KMT2C: variants seen among roughly 807,000 people sequenced by gnomAD.
KMT2C encodes lysine methyltransferase 2C.
A neutral mutation model predicts 507.9 loss-of-function variants in KMT2C; 88 were observed. The ratio of observed to expected loss-of-function variants is 0.17; its 90% CI spans 0.15 to 0.21. The LOEUF is 0.21. Among genes scored for constraint, KMT2C ranks in the 10% least tolerant of loss-of-function variants. The pLI, the probability that KMT2C is intolerant of heterozygous loss-of-function variation, is 1.00. For synonymous variants in KMT2C, 2,049 were observed against 2,080.8 expected (o/e 0.98, Z 0.42); for missense variants, 4,954 against 5,957.8 (o/e 0.83, Z 5.55).
intron 56 of KMT2C, 106 bp from the exon 57 acceptor site, chr7:152,139,365 C>A (rs2090261401): frequency 1.0e-6 from 1 of 960,532 alleles, no homozygotes; most frequent in Non-Finnish European, 1.6e-6. Flanking sequence ...GAACGGCAGC[C>A]TGATCATCCT....
chr7:152,149,018 G>C lies in KMT2C; in HGVS notation c.12909C>G (p.Ala4303=), dbSNP rs2129095658. 1 of 1,544,580 alleles carries C rather than the reference G, an allele frequency of 6.5e-7. No homozygotes were observed. The change falls in exon 52 of 59, where the codon GCC becomes GCG. Residue 4303 remains alanine, a synonymous_variant. Coordinates refer to ENST00000262189, the MANE Select transcript of KMT2C (RefSeq NM_170606.3). ...PQLPEKASPP[A]SPPIAFPPAF... ...CAGGAGGGAAGGCGATGGGTGGTGA[G>C]GCAGGGGGAGAAGCTTTCTCTGGGA...
intron 28 of KMT2C, among the ~76,000 whole-genome samples, chr7:152,194,956 A>C (rs1314820053): frequency 6.6e-6 from 1 of 152,196 alleles, no homozygotes; most frequent in Non-Finnish European, 1.5e-5. Flanking sequence ...TATTATGCAC[A>C]GTATGTAAAA....
chr7:152,290,893 TA>T (rs1375374719), intron 6 of KMT2C, among the ~76,000 whole-genome samples: 1 of 151,986 alleles, frequency 6.6e-6, no homozygotes, highest in Non-Finnish European at 1.5e-5. Context: ...ATTATCTTTT[TA>T]AATATAAATA....
chr7:152,315,712 T>C (rs1361837663), intron 3 of KMT2C, among the ~76,000 whole-genome samples: 1 of 152,068 alleles, frequency 6.6e-6, no homozygotes, highest in Non-Finnish European at 1.5e-5. Context: ...GAGGTGGAAG[T>C]TCGAGACCAG....
At chr7:152,195,241 A>C (rs1393405083) in intron 28 of KMT2C, among the ~76,000 whole-genome samples, 2 of 152,150 alleles carry the variant, frequency 1.3e-5, no homozygotes, top group Non-Finnish European at 2.9e-5. Context: ...ATTTGATCTT[A>C]TATTAGGAAC....
intron 1 of KMT2C, among the ~76,000 whole-genome samples, chr7:152,415,590 T>C (rs1209447342): frequency 6.6e-6 from 1 of 151,866 alleles, no homozygotes; most frequent in Non-Finnish European, 1.5e-5. Context: ...AGTAATAAAA[T>C]TCAAAAAAAG....
intron 2 of KMT2C, among the ~76,000 whole-genome samples, chr7:152,347,952 C>A (rs1304845501): frequency 6.6e-6 from 1 of 151,278 alleles, no homozygotes; most frequent in Admixed American, 6.6e-5. Flanking sequence ...TATTAAAGGG[C>A]CAACTGTTTC....
chr7:152,158,812 G>C lies in KMT2C; in HGVS notation c.11670+51C>G, dbSNP rs756036735. 5 of 1,555,406 alleles carry C rather than the reference G, an allele frequency of 3.2e-6. No individual in the cohort carries two copies. In the African/African-American group the frequency reaches 6.8e-5, roughly 21 times the overall value. On this transcript the variant is annotated intron_variant, in intron 44 of 58. Transcript: ENST00000262189. ...TTACAGGCATGAGCCACTGCCCCCA[G>C]CCTATATCCTTGACTTTTAAAAGAG...
In KMT2C at chr7:152,380,605, T is replaced by C. The variant is rs538505431; in HGVS notation, c.162-21930A>G. On this transcript the variant is annotated intron_variant, in intron 1 of 58. Transcript: ENST00000262189. ...AAAAAAAAACTAGCCGGGCACAGTA[T>C]TGCGCACCTGTATTCCCAGCTACTT... Among the ~76,000 whole-genome samples the C allele has an allele frequency of 1.2e-4, 18 of 151,114 alleles. No homozygotes were observed. The South Asian group carries it at 1.3e-3, about 11-fold the overall frequency.
At chr7:152,351,447 G>A (rs551114053) in intron 2 of KMT2C, among the ~76,000 whole-genome samples, 14 of 152,044 alleles carry the variant, frequency 9.2e-5, no homozygotes, top group Admixed American at 2.0e-4. Flanking sequence ...AAATTTCTCC[G>A]CTCCATTATA....
Position 152,158,912 on chromosome 7 carries a change from T to C in KMT2C, c.11621A>G (p.Glu3874Gly), listed in dbSNP as rs2129101451. The change falls in exon 44 of 59, where the codon GAG becomes GGG. Residue 3874 changes from glutamate (E) to glycine (G), a missense_variant. Coordinates refer to ENST00000262189, the MANE Select transcript of KMT2C (RefSeq NM_170606.3). The stretch of plus-strand genomic sequence containing the variant: ...AGTGCTAGAGTACATAGCTTGTTTC[T>C]CCTCTTCGTCCTTTTTCCTTTTCTT... Reference protein sequence around the residue: ...RSKKRKKDEEEKQAMYSSTDT... With the variant: ...RSKKRKKDEEGKQAMYSSTDT... The C allele has an allele frequency of 2.5e-6, 4 of 1,614,230 alleles. No homozygotes were observed. The South Asian group carries it at 3.3e-5, about 13-fold the overall frequency.
intron 40 of KMT2C, 105 bp from the exon 41 acceptor site, chr7:152,169,354 T>C: frequency 1.5e-6 from 1 of 677,014 alleles, no homozygotes; most frequent in Non-Finnish European, 2.6e-6. Flanking sequence ...GAAAAAACCC[T>C]TTAATTTCCT....
intron 31 of KMT2C, among the ~76,000 whole-genome samples, chr7:152,188,218 A>G (rs1213536804): frequency 6.6e-6 from 1 of 152,198 alleles, no homozygotes. Flanking sequence ...ACTTTTGGCT[A>G]TAAGATTTTG....
intron 6 of KMT2C, among the ~76,000 whole-genome samples, chr7:152,300,148 A>G (rs535463605): frequency 2.0e-5 from 3 of 152,336 alleles, no homozygotes; most frequent in African/African-American, 7.2e-5. Flanking sequence ...AGTCCATTAG[A>G]CAGAAATATG....
In KMT2C at chr7:152,170,704, C is replaced by A. The variant is rs180855157; in HGVS notation, c.9453+560G>T. 4.9e-4 allele frequency among the ~76,000 whole-genome samples: 74 copies of A among 152,178 alleles called. 1 individual carries two copies. Among genetic ancestry groups the A allele is most frequent in the Admixed American group, 1.9e-3 (29 of 15,278 alleles). ...TTTTTGTAGAGACGGGGTTTCACTA[C>A]GTTGGTCAGGCTGGTCTCAAACTGC... On this transcript the variant is annotated intron_variant, in intron 40 of 58. Transcript: ENST00000262189.
chr7:152,233,524 T>C (rs2095186641), intron 16 of KMT2C, among the ~76,000 whole-genome samples: 1 of 151,134 alleles, frequency 6.6e-6, no homozygotes, highest in Non-Finnish European at 1.5e-5. Context: ...TAAAAATCAA[T>C]AAAACAGAAA....
At chr7:152,249,664 T>A (rs374092058) in intron 13 of KMT2C, among the ~76,000 whole-genome samples, 36 of 25,310 alleles carry the variant, frequency 1.4e-3, no homozygotes, top group African/African-American at 5.3e-3. Context: ...AATCATGACC[T>A]CCCCCCTCCA....
rs762194594 is a variant in KMT2C, at chr7:152,202,989, T to C, written c.4037A>G (p.Lys1346Arg). The C allele has an allele frequency of 3.1e-6, 5 of 1,610,090 alleles. No homozygotes were observed. The highest frequency in any genetic ancestry group is 4.2e-6 in the Non-Finnish European group (5 of 1,177,218). The change falls in exon 26 of 59, where the codon AAG (lysine) becomes AGG (arginine). Residue 1346 changes from lysine to arginine, a missense_variant. This residue lies in a region of KMT2C where 176 missense variants were observed against 262.0 expected (regional missense o/e 0.67). Coordinates refer to ENST00000262189, the MANE Select transcript of KMT2C (RefSeq NM_170606.3). ...CTTATTTTTCCTTTTTCGGTATCTC[T>C]TCTTTATTTTTTCAGTGCTTTCAGT... ...SVTESTEKIK[K>R]RYRKRKNKLE...
intron 2 of KMT2C, among the ~76,000 whole-genome samples, chr7:152,332,492 G>T (rs1198772602): frequency 6.6e-6 from 1 of 152,222 alleles, no homozygotes; most frequent in East Asian, 1.9e-4. Context: ...TGGCATGACT[G>T]AACTCTACTA....
Sources: gnomAD v4.1 joint callset for allele counts (sites outside exome capture counted in the v4.1 genomes callset) on GRCh38, gnomAD v4.1.1 for gene constraint, gnomAD v4.1.1 regional missense constraint, MANE v1.5 for transcripts, NCBI Gene and HGNC (gene_info 2026-07-23, HGNC 2026-07-21) for gene names.